Variants in FBXO25 observed in about 807,000 individuals in gnomAD.
FBXO25 encodes F-box protein 25.
FBXO25 carries 45 observed loss-of-function variants against 51.9 expected under a neutral mutation model. The ratio of observed to expected loss-of-function variants is 0.87; its 90% CI spans 0.68 to 1.11. The LOEUF (loss-of-function observed/expected upper bound fraction) is 1.11, where lower values mean the gene tolerates loss of function less well. Among genes scored for constraint, FBXO25 ranks in the 50% most tolerant of loss-of-function variants. The probability of loss-of-function intolerance (pLI) is 0.00; values close to 1 mark genes in which losing one functional copy is unlikely to be tolerated. For synonymous variants in FBXO25, 199 were observed against 151.0 expected, an observed-to-expected ratio of 1.32 and a Z score of -2.33; for missense variants, 507 against 428.5, an observed-to-expected ratio of 1.18 and a Z score of -1.62.
At chr8:456,546 A>G (rs926989418) in intron 7 of FBXO25, among the ~76,000 whole-genome samples, 5 of 152,182 alleles carry the variant, frequency 3.3e-5, no homozygotes, top group African/African-American at 7.2e-5. Flanking sequence ...GCAGCTCCAT[A>G]GCCTACAACA....
In FBXO25 at chr8:475,226, G is replaced by A. The variant is rs147970130; in HGVS notation, c.*6422G>A. The stretch of plus-strand genomic sequence containing the variant: ...GTCCTTTCTCCCTTGAATGGTCTTG[G>A]CACCATCAAAAATCATTTGACCCAT... On this transcript the variant is annotated 3_prime_UTR_variant, in exon 10 of 10. Coordinates refer to ENST00000350302, the MANE Select transcript of FBXO25 (RefSeq NM_183420.2). 43 of 285,322 alleles carry A rather than the reference G, an allele frequency of 1.5e-4. No individual in the cohort carries two copies. Among genetic ancestry groups the A allele is most frequent in the African/African-American group, 8.9e-4 (39 of 44,020 alleles). 17.7% of individuals were successfully genotyped at this position (285,322 alleles called of 1,614,324 possible). A position where few individuals can be genotyped will look rare whatever the true frequency, so the allele number is the denominator to read the frequency against.
At chr8:439,078 A>G (rs560727152) in intron 5 of FBXO25, among the ~76,000 whole-genome samples, 1 of 152,252 alleles carries the variant, frequency 6.6e-6, no homozygotes, top group East Asian at 1.9e-4. Context: ...AACCCAGGAC[A>G]GCTGTAAACA....
chr8:436,319 A>G (rs1798100185), intron 5 of FBXO25, among the ~76,000 whole-genome samples: 1 of 152,202 alleles, frequency 6.6e-6, no homozygotes, highest in Admixed American at 6.5e-5. Context: ...TATTATGGAT[A>G]AAATAGAAGC....
In FBXO25 at chr8:469,064, C is replaced by T. The variant is rs1041237300; in HGVS notation, c.*260C>T. Reference sequence around the variant, plus strand: ...ATGTGAAATTTTGCGTACTCTCTCTCTCTATATATATAGTTCAAAAATACT... The same window carrying T: ...ATGTGAAATTTTGCGTACTCTCTCTTTCTATATATATAGTTCAAAAATACT... On this transcript the variant is annotated 3_prime_UTR_variant, in exon 10 of 10. Coordinates refer to ENST00000350302, the MANE Select transcript of FBXO25 (RefSeq NM_183420.2). The T allele has an allele frequency of 6.8e-6, 3 of 440,810 alleles. No homozygotes were observed. Among genetic ancestry groups the T allele is most frequent in the African/African-American group, 6.4e-5 (3 of 46,620 alleles). 27.3% of individuals were successfully genotyped at this position (440,810 alleles called of 1,614,324 possible). A position where few individuals can be genotyped will look rare whatever the true frequency, so the allele number is the denominator to read the frequency against.
At chr8:441,316 C>T (rs1287142512) in intron 5 of FBXO25, among the ~76,000 whole-genome samples, 1 of 152,088 alleles carries the variant, frequency 6.6e-6, no homozygotes, top group Non-Finnish European at 1.5e-5. Flanking sequence ...TAGCCATATG[C>T]AAAAAACTGA....
In FBXO25 at chr8:429,090, A is replaced by G. The variant is rs377704537; in HGVS notation, c.135-2251A>G. ...AATTGTTGGATCATATGGTAATTCT[A>G]TGTTTAATTTTTTGAAGAACCTCCA... On this transcript the variant is annotated intron_variant, in intron 2 of 9. Transcript: ENST00000350302. 5.4e-4 allele frequency among the ~76,000 whole-genome samples: 82 copies of G among 152,242 alleles called. No individual in the cohort carries two copies. The East Asian group carries it at 0.01, about 19-fold the overall frequency.
At chr8:409,785 G>A (rs1796381930) in intron 1 of FBXO25, among the ~76,000 whole-genome samples, 1 of 151,584 alleles carries the variant, frequency 6.6e-6, no homozygotes, top group Non-Finnish European at 1.5e-5. Context: ...TATCCTACAA[G>A]CCCTAGAAAA....
chr8:418,916 A>G (rs904453049), intron 2 of FBXO25, among the ~76,000 whole-genome samples: 2 of 152,214 alleles, frequency 1.3e-5, no homozygotes, highest in African/African-American at 2.4e-5. Flanking sequence ...AATGAACTGT[A>G]AAAGGCTAAA....
chr8:417,993 T>G (rs1796911922), intron 2 of FBXO25, among the ~76,000 whole-genome samples: 1 of 152,208 alleles, frequency 6.6e-6, no homozygotes, highest in Non-Finnish European at 1.5e-5. Flanking sequence ...TTGTACCAGT[T>G]TATACTCTGC....
chr8:458,316 T>G, intron 7 of FBXO25, 53 bp from the exon 8 acceptor site: 1 of 1,574,504 alleles, frequency 6.4e-7, no homozygotes, highest in Non-Finnish European at 8.7e-7. Flanking sequence ...AGTTACTGTG[T>G]GAACAAACAT....
chr8:424,188 C>T (rs539516419), intron 2 of FBXO25, among the ~76,000 whole-genome samples: 115 of 150,276 alleles, frequency 7.7e-4, no homozygotes, highest in African/African-American at 2.4e-3. Flanking sequence ...GCGCAATTTC[C>T]GCTCACTCCT....
chr8:463,534 T>G (rs62483137), intron 9 of FBXO25, among the ~76,000 whole-genome samples: 1 of 152,250 alleles, frequency 6.6e-6, no homozygotes, highest in Non-Finnish European at 1.5e-5. Context: ...TCCCCAGACT[T>G]AGCCCTCGGC....
rs1169468974 is a variant in FBXO25 at position 469,258 on chromosome 8, C to G, written c.*454C>G. The G allele has an allele frequency of 6.5e-6, 1 of 153,734 alleles. No homozygotes were observed. Among genetic ancestry groups the G allele is most frequent in the African/African-American group, 2.4e-5 (1 of 41,480 alleles). The allele number at this position is 153,734 out of a possible 1,614,324, so 9.5% of individuals were successfully genotyped here. Reference sequence around the variant, plus strand: ...AGAATATTTATTTTTTCTCAAAATGCATTTTAACTACTACATTGGCTGTGC... The same window carrying G: ...AGAATATTTATTTTTTCTCAAAATGGATTTTAACTACTACATTGGCTGTGC... On this transcript the variant is annotated 3_prime_UTR_variant, in exon 10 of 10. Transcript: ENST00000350302.
rs372078056 is a variant in FBXO25, at chr8:439,439, G to A, written c.381+3732G>A. ...CTGTAGGAAAAAAGTTTTCAGAATC[G>A]TAAAGTTTATATATCTAATTTTGGT... On this transcript the variant is annotated intron_variant, in intron 5 of 9. Transcript: ENST00000350302. 8.5e-5 allele frequency among the ~76,000 whole-genome samples: 13 copies of A among 152,270 alleles called. No homozygotes were observed. In the South Asian group the frequency reaches 1.5e-3, roughly 17 times the overall value.
In FBXO25 at chr8:471,326, G is replaced by C. The variant is rs1413797449; in HGVS notation, c.*2522G>C. 6.6e-6 allele frequency: 1 copy of C among 152,160 alleles called. No individual in the cohort carries two copies. The allele number at this position is 152,160 out of a possible 1,614,324, so 9.4% of individuals were successfully genotyped here. On this transcript the variant is annotated 3_prime_UTR_variant, in exon 10 of 10. Transcript: ENST00000350302. The stretch of plus-strand genomic sequence containing the variant: ...AGGACAGAATAAAGACAATTTTGAG[G>C]CACTGATCAGTTATTTACAGAAGAT...
intron 2 of FBXO25, among the ~76,000 whole-genome samples, chr8:423,455 C>T (rs563376422): frequency 6.6e-6 from 1 of 152,230 alleles, no homozygotes; most frequent in South Asian, 2.1e-4. Context: ...CTCCCTCTAC[C>T]TTCTAGTAGT....
intron 3 of FBXO25, among the ~76,000 whole-genome samples, chr8:432,490 G>A (rs1386178718): frequency 1.3e-5 from 2 of 152,192 alleles, no homozygotes; most frequent in Admixed American, 6.5e-5. Flanking sequence ...CAGTTAGTGT[G>A]ATTCTTGAAA....
intron 7 of FBXO25, among the ~76,000 whole-genome samples, chr8:453,980 C>T (rs1799259347): frequency 6.6e-6 from 1 of 151,966 alleles, no homozygotes; most frequent in South Asian, 2.1e-4. Flanking sequence ...AAAAATTGGC[C>T]AGGTGTGGTG....
chr8:459,112 C>A (rs892105588), intron 8 of FBXO25, among the ~76,000 whole-genome samples: 1 of 152,242 alleles, frequency 6.6e-6, no homozygotes, highest in Non-Finnish European at 1.5e-5. Flanking sequence ...ACCCTGTGGT[C>A]CCTGTTCCTG....
Sources: gnomAD v4.1 joint callset for allele counts (sites outside exome capture counted in the v4.1 genomes callset) on GRCh38, gnomAD v4.1.1 for gene constraint, MANE v1.5 for transcripts, NCBI Gene and HGNC (gene_info 2026-07-23, HGNC 2026-07-21) for gene names.